The following ZPLD1 variants were observed in gnomAD, a reference collection of about 807,000 sequenced individuals.
ZPLD1 encodes the protein zona pellucida-like domain-containing protein 1.
ZPLD1 carries 34 observed loss-of-function variants against 47.2 expected under a neutral mutation model. The ratio of observed to expected loss-of-function variants is 0.72; its 90% CI spans 0.55 to 0.96. ZPLD1 has a LOEUF of 0.96. Ranked by LOEUF, ZPLD1 falls within the 40% of genes least tolerant of loss-of-function variation. The pLI, the probability that ZPLD1 is intolerant of heterozygous loss-of-function variation, is 0.00. For missense variants in ZPLD1, 512 were observed against 505.8 expected (o/e 1.01, Z -0.12); for synonymous variants, 176 against 186.2 (o/e 0.95, Z 0.45).
At chr3:102,415,139 T>C (rs1706790868) in intron 7 of ZPLD1, among the ~76,000 whole-genome samples, 2 of 151,866 alleles carry the variant, frequency 1.3e-5, no homozygotes, top group Non-Finnish European at 2.9e-5. Context: ...CTATGTGGCC[T>C]GAAATCCCAT....
intron 8 of ZPLD1, among the ~76,000 whole-genome samples, chr3:102,419,919 T>C (rs1007223810): frequency 1.3e-5 from 2 of 151,556 alleles, no homozygotes; most frequent in African/African-American, 4.8e-5. Context: ...TTTTTTTCTG[T>C]ATTTAAGCTG....
chr3:102,429,240 C>A (rs1212804979), intron 8 of ZPLD1, among the ~76,000 whole-genome samples: 1 of 152,138 alleles, frequency 6.6e-6, no homozygotes, highest in Non-Finnish European at 1.5e-5. Context: ...TGACACATTA[C>A]CCAATTCTCT....
At chr3:102,416,475 C>T (rs143861139) in intron 7 of ZPLD1, among the ~76,000 whole-genome samples, 1 of 151,902 alleles carries the variant, frequency 6.6e-6, no homozygotes, top group Non-Finnish European at 1.5e-5. Context: ...GCGTTCAAAG[C>T]GAAACCTGAA....
chr3:102,390,536 C>T (rs1706483395), intron 6 of ZPLD1, among the ~76,000 whole-genome samples: 1 of 152,154 alleles, frequency 6.6e-6, no homozygotes, highest in African/African-American at 2.4e-5. Flanking sequence ...GAAGGTATTG[C>T]CTCACCCTAT....
rs866206456 is a variant in ZPLD1, at chr3:102,477,503, T to C, written c.1133T>C (p.Met378Thr). The stretch of plus-strand genomic sequence containing the variant: ...ATCACCAGCGCACTGATATCAGGAA[T>C]GGTCATTCTGGGAGTTACGAGCTTT... Reference protein sequence around the residue: ...NAITSALISGMVILGVTSFSL... With the variant: ...NAITSALISGTVILGVTSFSL... Residue 378 changes from methionine to threonine, a missense_variant, in exon 12 of 12, where the codon ATG becomes ACG. By Grantham distance (81) the Met-to-Thr change is moderately conservative. Transcript: ENST00000466937. The C allele has an allele frequency of 5.6e-6, 9 of 1,613,854 alleles. No individual in the cohort carries two copies. The Admixed American group carries it at 1.5e-4, about 27-fold the overall frequency.
chr3:102,461,823 A>T (rs1313256784), intron 6 of ZPLD1, among the ~76,000 whole-genome samples: 1 of 152,030 alleles, frequency 6.6e-6, no homozygotes, highest in African/African-American at 2.4e-5. Context: ...GATTTTTGGT[A>T]AATAAAATAT....
At position 102,477,737 on chromosome 3, in the gene ZPLD1, T is replaced by C. The variant is rs1707780724; in HGVS notation, c.*119T>C. 2 of 952,186 alleles carry C rather than the reference T, an allele frequency of 2.1e-6. No individual in the cohort carries two copies. Among genetic ancestry groups the C allele is most frequent in the South Asian group, 3.8e-5 (2 of 52,346 alleles). The allele number at this position is 952,186 out of a possible 1,614,324, so 59.0% of individuals were successfully genotyped here. ...ATTCAATATTTGTAGGTTTGATAAA[T>C]TTCACAGTATAGCTTGTCAGCATAA... On this transcript the variant is annotated 3_prime_UTR_variant, in exon 12 of 12. Coordinates refer to ENST00000466937, the MANE Select transcript of ZPLD1 (RefSeq NM_001329788.2).
intron 8 of ZPLD1, among the ~76,000 whole-genome samples, chr3:102,418,536 T>G (rs1184575417): frequency 6.6e-6 from 1 of 152,002 alleles, no homozygotes; most frequent in East Asian, 1.9e-4. Context: ...GTTTCTTCAA[T>G]CTTGAGGTTC....
intron 6 of ZPLD1, among the ~76,000 whole-genome samples, chr3:102,391,478 T>C (rs994978586): frequency 6.6e-6 from 1 of 152,150 alleles, no homozygotes; most frequent in African/African-American, 2.4e-5. Flanking sequence ...TGATGTGATT[T>C]CTGAATCTCG....
At chr3:102,411,230 C>T (rs527902935) in intron 7 of ZPLD1, among the ~76,000 whole-genome samples, 9 of 151,788 alleles carry the variant, frequency 5.9e-5, no homozygotes, top group African/African-American at 1.7e-4. Flanking sequence ...TTTTCCAAAG[C>T]TGAAAGTATG....
chr3:102,422,622 A>T (rs570392255), intron 8 of ZPLD1, among the ~76,000 whole-genome samples: 11 of 152,182 alleles, frequency 7.2e-5, no homozygotes, highest in Non-Finnish European at 1.2e-4. Flanking sequence ...AAGGTTTTTG[A>T]AAAGCTGAAT....
chr3:102,457,985 T>A, intron 6 of ZPLD1, 132 bp downstream of exon 6: 1 of 748,888 alleles, frequency 1.3e-6, no homozygotes, highest in Non-Finnish European at 2.1e-6. Flanking sequence ...TTTATCTATT[T>A]TTGCTACCAT....
intron 8 of ZPLD1, among the ~76,000 whole-genome samples, chr3:102,425,939 T>G (rs923960115): frequency 2.6e-5 from 4 of 151,450 alleles, no homozygotes; most frequent in African/African-American, 4.9e-5. Flanking sequence ...ACTTAGATGA[T>G]GTAGGTCCTT....
chr3:102,410,250 C>T (rs1706734981), intron 7 of ZPLD1, among the ~76,000 whole-genome samples: 2 of 151,642 alleles, frequency 1.3e-5, no homozygotes, highest in South Asian at 2.1e-4. Context: ...GGATGCACTC[C>T]CACCCTGAGG....
intron 8 of ZPLD1, among the ~76,000 whole-genome samples, chr3:102,418,832 A>C (rs1486857586): frequency 2.0e-5 from 3 of 152,046 alleles, no homozygotes; most frequent in Non-Finnish European, 2.9e-5. Context: ...GTATTGTTAA[A>C]ATTGACACAG....
intron 8 of ZPLD1, among the ~76,000 whole-genome samples, chr3:102,428,286 C>T (rs1345279064): frequency 2.6e-5 from 4 of 152,106 alleles, no homozygotes; most frequent in Non-Finnish European, 4.4e-5. Context: ...GGTTTAAAGA[C>T]GTGAATCTTG....
chr3:102,470,271 C>A, intron 9 of ZPLD1, 123 bp from the exon 10 acceptor site: 1 of 706,206 alleles, frequency 1.4e-6, no homozygotes, highest in Non-Finnish European at 2.4e-6. Context: ...AATAAATGCA[C>A]GGAAGGAAAT....
At chr3:102,448,391 T>G (rs753643143) in intron 3 of ZPLD1, among the ~76,000 whole-genome samples, 9 of 152,248 alleles carry the variant, frequency 5.9e-5, no homozygotes, top group Non-Finnish European at 1.0e-4. Context: ...CAACTGTTAT[T>G]CAGTGACTGA....
rs903998882 is a variant in ZPLD1 at position 102,478,649 on chromosome 3, G to A, written c.*1031G>A. On this transcript the variant is annotated 3_prime_UTR_variant, in exon 12 of 12. Coordinates refer to ENST00000466937, the MANE Select transcript of ZPLD1 (RefSeq NM_001329788.2). ...AATCAGGAGAGGGTTTCTTTTTAAG[G>A]TATCTTCTTGTAGGTGTCATAATTG... The A allele has an allele frequency of 5.3e-5, 8 of 152,050 alleles. No individual in the cohort carries two copies. Among genetic ancestry groups the A allele is most frequent in the Non-Finnish European group, 1.0e-4 (7 of 68,012 alleles). 9.4% of individuals were successfully genotyped at this position (152,050 alleles called of 1,614,324 possible).
Sources: gnomAD v4.1 joint callset for allele counts (sites outside exome capture counted in the v4.1 genomes callset) on GRCh38, gnomAD v4.1.1 for gene constraint, MANE v1.5 for transcripts, NCBI Gene and HGNC (gene_info 2026-07-23, HGNC 2026-07-21) for gene names.